The following GMIP variants were observed in gnomAD, a reference collection of about 807,000 sequenced individuals.
GMIP encodes GEM-interacting protein.
GMIP carries 54 observed loss-of-function variants against 105.3 expected under a neutral mutation model. The ratio of observed to expected loss-of-function variants is 0.51; its 90% CI spans 0.41 to 0.64. The LOEUF is 0.64. Among genes scored for constraint, GMIP ranks in the 30% least tolerant of loss-of-function variants. The pLI, the probability that GMIP is intolerant of heterozygous loss-of-function variation, is 0.00. For synonymous variants in GMIP, 541 were observed against 560.8 expected, an observed-to-expected ratio of 0.96 and a Z score of 0.50; for missense variants, 1,110 against 1,319.4, an observed-to-expected ratio of 0.84 and a Z score of 2.46.
Position 19,637,618 on chromosome 19 carries a change from G to C in GMIP, c.928-57C>G. 1 of 1,344,182 alleles carries C rather than the reference G, an allele frequency of 7.4e-7. No individual in the cohort carries two copies. The highest frequency in any genetic ancestry group is 1.5e-5 in the African/African-American group (1 of 66,476). The allele number at this position is 1,344,182 out of a possible 1,614,324, so 83.3% of individuals were successfully genotyped here. On this transcript the variant is annotated intron_variant, in intron 10 of 20. Coordinates refer to ENST00000203556, the MANE Select transcript of GMIP (RefSeq NM_016573.4). This position sits in a 1 kb window ranked among gnomAD's most constrained non-coding sequence, Gnocchi z 6.7. ...GCGGAGCCTGGGAGCCTGGGGGCAG[G>C]GCCAGAGCTGGGGCGGGGCTTGAGA...
At chr19:19,642,912 G>C (rs2061938474) in intron 1 of GMIP, among the ~76,000 whole-genome samples, 2 of 152,128 alleles carry the variant, frequency 1.3e-5, no homozygotes, top group Non-Finnish European at 2.9e-5. Context: ...GTCCCGAGAA[G>C]AAAGCCGGTC....
At chr19:19,643,321 A>G in intron 1 of GMIP, 190 bp downstream of exon 1, 1 of 479,746 alleles carries the variant, frequency 2.1e-6, no homozygotes, top group Non-Finnish European at 3.8e-6. Context: ...CAAAAGGGGG[A>G]GGGGGAGTGA....
In GMIP at chr19:19,634,244, TGAGG is replaced by T. The variant is rs1429008990; in HGVS notation, c.2085-58_2085-55del. On this transcript the variant is annotated intron_variant, in intron 18 of 20. Transcript: ENST00000203556. This position sits in a 1 kb window ranked among gnomAD's most constrained non-coding sequence, Gnocchi z 6.1. ...GGTACAGGATGCAAGCTCATTGGTCTGAGGGTAAGGGTGGGACACGCAGGCCAGC... is the reference window on the plus strand; with the variant it reads ...GGTACAGGATGCAAGCTCATTGGTCTGTAAGGGTGGGACACGCAGGCCAGC... 6.6e-7 allele frequency: 1 copy of T among 1,510,024 alleles called. No individual in the cohort carries two copies. Among genetic ancestry groups the T allele is most frequent in the African/African-American group, 1.4e-5 (1 of 72,806 alleles). 93.5% of individuals were successfully genotyped at this position (1,510,024 alleles called of 1,614,324 possible). A position where few individuals can be genotyped will look rare whatever the true frequency, so the allele number is the denominator to read the frequency against.
chr19:19,643,630 G>A lies in GMIP; in HGVS notation c.-101C>T, dbSNP rs1486178865. 1.0e-5 allele frequency: 11 copies of A among 1,060,098 alleles called. No homozygotes were observed. Among genetic ancestry groups the A allele is most frequent in the Non-Finnish European group, 9.4e-6 (7 of 740,744 alleles). The allele number at this position is 1,060,098 out of a possible 1,614,324, so 65.7% of individuals were successfully genotyped here. A position where few individuals can be genotyped will look rare whatever the true frequency, so the allele number is the denominator to read the frequency against. On this transcript the variant is annotated 5_prime_UTR_variant, in exon 1 of 21. Coordinates refer to ENST00000203556, the MANE Select transcript of GMIP (RefSeq NM_016573.4). Reference sequence around the variant, plus strand: ...TCCTGCCGCCGCAGCCGCCGCCGCCGCCTCGGTTCCGCGTCGCCCTGCCCA... The same window carrying A: ...TCCTGCCGCCGCAGCCGCCGCCGCCACCTCGGTTCCGCGTCGCCCTGCCCA...
Position 19,635,647 on chromosome 19 carries a change from G to T in GMIP, c.1402C>A (p.Pro468Thr). The change falls in exon 14 of 21, where the codon CCT becomes ACT. Residue 468 changes from proline (P) to threonine (T), a missense_variant. Physicochemically the swap from Pro to Thr is conservative, Grantham distance 38. Around this residue, in one of 3 missense-constraint regions of GMIP, gnomAD observed 667 missense variants for 773.2 expected, o/e 0.86. Coordinates refer to ENST00000203556, the MANE Select transcript of GMIP (RefSeq NM_016573.4). This position sits in a 1 kb window ranked among gnomAD's most constrained non-coding sequence, Gnocchi z 4.7. The stretch of plus-strand genomic sequence containing the variant: ...ACCTACCCTGCTTCAGCCTCACCAG[G>T]GTCTCGCTCCTCAAAGTCATCTGAG... ...ESSDDFEERD[P>T]DLGDGLENGL... The T allele has an allele frequency of 6.2e-7, 1 of 1,614,036 alleles. No homozygotes were observed. Among genetic ancestry groups the T allele is most frequent in the South Asian group, 1.1e-5 (1 of 91,082 alleles).
rs150986647 is a variant in GMIP at position 19,634,667 on chromosome 19, C to A, written c.1924G>T (p.Ala642Ser). ...EPVIPFHLYDAFISLAKTLHA... is the reference protein window; with the variant it reads ...EPVIPFHLYDSFISLAKTLHA... ...AAGGTCTTAGCCAGAGAGATGAAGG[C>A]GTCGTAGAGGTGGAAGGGGATCACG... is the stretch of plus-strand genomic sequence containing the variant. The change falls in exon 18 of 21, where the codon GCC becomes TCC. Residue 642 changes from alanine (A) to serine (S), a missense_variant. Physicochemically the swap from Ala to Ser is moderately conservative, Grantham distance 99. Around this residue, in one of 3 missense-constraint regions of GMIP, gnomAD observed 394 missense variants for 450.5 expected, o/e 0.87. Transcript: ENST00000203556. This position sits in a 1 kb window ranked among gnomAD's most constrained non-coding sequence, Gnocchi z 6.1. 1.3e-3 allele frequency: 2,163 copies of A among 1,611,828 alleles called. 2 individuals carry two copies. Among genetic ancestry groups the A allele is most frequent in the Non-Finnish European group, 1.5e-3 (1,737 of 1,178,750 alleles).
chr19:19,638,102 G>T, intron 9 of GMIP, 45 bp from the exon 10 acceptor site: 2 of 1,550,848 alleles, frequency 1.3e-6, no homozygotes, highest in Middle Eastern at 2.2e-4. Context: ...GCGTGTGGGC[G>T]AGAGTGGAGG....
chr19:19,633,559 A>G (rs1374172711), intron 19 of GMIP, among the ~76,000 whole-genome samples: 1 of 152,146 alleles, frequency 6.6e-6, no homozygotes, highest in Non-Finnish European at 1.5e-5. Flanking sequence ...TGTTCAATAA[A>G]TATTCTGTTG....
chr19:19,643,645 C>A lies in GMIP; in HGVS notation c.-116G>T. On this transcript the variant is annotated 5_prime_UTR_variant, in exon 1 of 21. Transcript: ENST00000203556. ...CGCCGCCGCCGCCTCGGTTCCGCGT[C>A]GCCCTGCCCAGCGGAGGCCACGCCC... 1.1e-6 allele frequency: 1 copy of A among 884,260 alleles called. No homozygotes were observed. The highest frequency in any genetic ancestry group is 1.7e-6 in the Non-Finnish European group (1 of 600,520). 54.8% of individuals were successfully genotyped at this position (884,260 alleles called of 1,614,324 possible).
rs1252426574 is a variant in GMIP, at chr19:19,640,067, C to G, written c.537+18G>C. 1 of 1,424,608 alleles carries G rather than the reference C, an allele frequency of 7.0e-7. No homozygotes were observed. The highest frequency in any genetic ancestry group is 1.4e-5 in the African/African-American group (1 of 71,322). 88.2% of individuals were successfully genotyped at this position (1,424,608 alleles called of 1,614,324 possible). ...ATAGCAGGGTGACCTCTGTAACATT[C>G]CACCCTGCCCCCCTCACCTGGTAGT... On this transcript the variant is annotated intron_variant, in intron 7 of 20. Coordinates refer to ENST00000203556, the MANE Select transcript of GMIP (RefSeq NM_016573.4).
chr19:19,637,404 G>T lies in GMIP; in HGVS notation c.1085C>A (p.Pro362His). The T allele has an allele frequency of 6.7e-7, 1 of 1,485,404 alleles. No homozygotes were observed. Among genetic ancestry groups the T allele is most frequent in the Non-Finnish European group, 8.9e-7 (1 of 1,125,544 alleles). The allele number at this position is 1,485,404 out of a possible 1,614,324, so 92.0% of individuals were successfully genotyped here. A position where few individuals can be genotyped will look rare whatever the true frequency, so the allele number is the denominator to read the frequency against. Residue 362 changes from proline to histidine, a missense_variant, in exon 11 of 21, where the codon CCC becomes CAC. Around this residue, in one of 3 missense-constraint regions of GMIP, gnomAD observed 667 missense variants for 773.2 expected, o/e 0.86. Transcript: ENST00000203556. The surrounding 1 kb of genome is among the most constrained non-coding windows in gnomAD (Gnocchi z 6.7). ...AAGGAACTCCTGGAAGGAGAAGGCG[G>T]GCGGCGGGGGCGGCGGGGCCTCGGG... ...LRPEAPPPPP[P>H]AFSFQEFLPS...
Position 19,630,463 on chromosome 19 carries a change from A to G in GMIP, c.2539+8T>C. The G allele has an allele frequency of 6.2e-7, 1 of 1,613,144 alleles. No homozygotes were observed. The highest frequency in any genetic ancestry group is 8.5e-7 in the Non-Finnish European group (1 of 1,179,368). ...CAGAACTCCTGAGCCTCTCTCTAAC[A>G]TACTCACCTTCCCCTCCCCCATCTT... On this transcript the variant is annotated splice_region_variant and intron_variant, in intron 20 of 20. Coordinates refer to ENST00000203556, the MANE Select transcript of GMIP (RefSeq NM_016573.4). This position sits in a 1 kb window ranked among gnomAD's most constrained non-coding sequence, Gnocchi z 4.8.
At position 19,634,959 on chromosome 19, in the gene GMIP, T is replaced by C; in HGVS notation, c.1750-30A>G. The stretch of plus-strand genomic sequence containing the variant: ...AGGGTGAGGGTGAAAAACAGACACC[T>C]GGTTCGTGATAGGCCATCGATTCGG... On this transcript the variant is annotated intron_variant, in intron 16 of 20. Transcript: ENST00000203556. This position sits in a 1 kb window ranked among gnomAD's most constrained non-coding sequence, Gnocchi z 6.1. 6.2e-7 allele frequency: 1 copy of C among 1,613,662 alleles called. No homozygotes were observed. The highest frequency in any genetic ancestry group is 8.5e-7 in the Non-Finnish European group (1 of 1,179,780).
rs1237571835 is a variant in GMIP at position 19,638,499 on chromosome 19, A to T, written c.538-17T>A. On this transcript the variant is annotated splice_polypyrimidine_tract_variant and intron_variant, in intron 7 of 20. Coordinates refer to ENST00000203556, the MANE Select transcript of GMIP (RefSeq NM_016573.4). ...GGCGAGGGGCTGGCAAGGGTTGGGGATGGGGATGGAGACGCTGCCTTAGGG... is the reference window on the plus strand; with the variant it reads ...GGCGAGGGGCTGGCAAGGGTTGGGGTTGGGGATGGAGACGCTGCCTTAGGG... 2.5e-6 allele frequency: 4 copies of T among 1,610,442 alleles called. No homozygotes were observed. Among genetic ancestry groups the T allele is most frequent in the Non-Finnish European group, 3.4e-6 (4 of 1,177,702 alleles).
At position 19,634,114 on chromosome 19, in the gene GMIP, G is replaced by A. The variant is rs1187549053; in HGVS notation, c.2161C>T (p.Pro721Ser). Residue 721 changes from proline (P) to serine (S), a missense_variant, in exon 19 of 21, where the codon CCG becomes TCG. Pro to Ser is a moderately conservative substitution (Grantham distance 74). Around this residue, in one of 3 missense-constraint regions of GMIP, gnomAD observed 394 missense variants for 450.5 expected, o/e 0.87. Transcript: ENST00000203556. The surrounding 1 kb of genome is among the most constrained non-coding windows in gnomAD (Gnocchi z 6.1). ...GIVFGPTLLR[P>S]PDGPRAASAI... Reference sequence around the variant, plus strand: ...CTGGCTGCCCGCGGGCCGTCCGGCGGCCGCAGCAGTGTCGGCCCAAACACA... The same window carrying A: ...CTGGCTGCCCGCGGGCCGTCCGGCGACCGCAGCAGTGTCGGCCCAAACACA... The A allele has an allele frequency of 6.2e-7, 1 of 1,612,420 alleles. No homozygotes were observed.
Position 19,635,827 on chromosome 19 carries a change from G to A in GMIP, c.1328-106C>T. The A allele has an allele frequency of 1.1e-6, 1 of 918,274 alleles. No homozygotes were observed. The allele number at this position is 918,274 out of a possible 1,614,324, so 56.9% of individuals were successfully genotyped here. A position where few individuals can be genotyped will look rare whatever the true frequency, so the allele number is the denominator to read the frequency against. On this transcript the variant is annotated intron_variant, in intron 13 of 20. Transcript: ENST00000203556. This position sits in a 1 kb window ranked among gnomAD's most constrained non-coding sequence, Gnocchi z 4.7. ...ATTCCCAAGGGGTCAGAGGTCAGGA[G>A]GGGGATTGGACAGGTCAGTGGTTAA...
At position 19,641,970 on chromosome 19, in the gene GMIP, A is replaced by T; in HGVS notation, c.180+6T>A. On this transcript the variant is annotated splice_donor_region_variant and intron_variant, in intron 3 of 20. Transcript: ENST00000203556. ...CTTCCTCCCTGTTCCCCTACTCCCC[A>T]CTCACAACAGTGGCTGTAGGGGTCT... 1 of 1,609,304 alleles carries T rather than the reference A, an allele frequency of 6.2e-7. No individual in the cohort carries two copies.
At chr19:19,638,114 CA>C in intron 9 of GMIP, 44 bp downstream of exon 9, 2 of 1,556,776 alleles carry the variant, frequency 1.3e-6, no homozygotes, top group South Asian at 1.2e-5. Context: ...GAGTGGAGGG[CA>C]GGGGGCGCCA....
At chr19:19,643,120 GC>G (rs925075782) in intron 1 of GMIP, 3 of 249,366 alleles carry the variant, frequency 1.2e-5, no homozygotes, top group African/African-American at 2.2e-5. Flanking sequence ...CTGCCCCCCT[GC>G]CCCCTCTCCT....
Sources: gnomAD v4.1 joint callset for allele counts (sites outside exome capture counted in the v4.1 genomes callset) on GRCh38, gnomAD v4.1.1 for gene constraint, gnomAD v4.1.1 regional missense constraint, Gnocchi (gnomAD v3.1) non-coding constraint, MANE v1.5 for transcripts, NCBI Gene and HGNC (gene_info 2026-07-23, HGNC 2026-07-21) for gene names.